FBXL17: variants seen among roughly 807,000 people sequenced by gnomAD.
The protein encoded by FBXL17 is F-box/LRR-repeat protein 17.
A neutral mutation model predicts 66.2 loss-of-function variants in FBXL17; 22 were observed. The observed-to-expected ratio is 0.33, with a 90% CI of 0.24 to 0.47. FBXL17 has a LOEUF of 0.47. FBXL17 is among the 20% of genes least tolerant of loss of function. FBXL17 has a pLI of 1.00. For synonymous variants in FBXL17, 474 were observed against 400.5 expected (o/e 1.18, Z -2.19); for missense variants, 878 against 948.2 (o/e 0.93, Z 0.97).
intron 6 of FBXL17, among the ~76,000 whole-genome samples, chr5:108,149,194 T>C (rs1327954706): frequency 1.3e-5 from 2 of 152,226 alleles, no homozygotes; most frequent in Non-Finnish European, 2.9e-5. Flanking sequence ...ACAATATAAA[T>C]TCCTTGAGGG....
At position 108,009,308 on chromosome 5, in the gene FBXL17, T is replaced by TATAGATAGATAGATATATATACACAC; in HGVS notation, c.1822+11616_1822+11617insGTGTGTATATATATCTATCTATCTAT. On this transcript the variant is annotated intron_variant, in intron 7 of 8. Transcript: ENST00000542267. Reference sequence around the variant, plus strand: ...ATATATATATATATATATACATATATACATACACATATAGTTTTGCTTTTG... The same window carrying TATAGATAGATAGATATATATACACAC: ...ATATATATATATATATATACATATATATAGATAGATAGATATATATACACACACATACACATATAGTTTTGCTTTTG... 7.1e-5 allele frequency among the ~76,000 whole-genome samples: 3 copies of TATAGATAGATAGATATATATACACAC among 42,210 alleles called. 1 individual carries two copies. Among genetic ancestry groups the TATAGATAGATAGATATATATACACAC allele is most frequent in the African/African-American group, 2.6e-4 (3 of 11,328 alleles). 27.7% of individuals were successfully genotyped at this position (42,210 alleles called of 152,430 possible).
At chr5:108,350,855 A>G (rs1214605304) in intron 3 of FBXL17, among the ~76,000 whole-genome samples, 1 of 152,242 alleles carries the variant, frequency 6.6e-6, no homozygotes, top group Non-Finnish European at 1.5e-5. Context: ...ATAAAACACG[A>G]GAATACACCA....
chr5:108,226,273 T>A (rs1163654324), intron 4 of FBXL17, among the ~76,000 whole-genome samples: 1 of 152,200 alleles, frequency 6.6e-6, no homozygotes, highest in Non-Finnish European at 1.5e-5. Context: ...AACCACTTAG[T>A]TCCCCATCGG....
At chr5:107,943,758 CTG>C (rs1452086890) in intron 7 of FBXL17, among the ~76,000 whole-genome samples, 1 of 152,154 alleles carries the variant, frequency 6.6e-6, no homozygotes, top group East Asian at 1.9e-4. Context: ...GTGAAAGAGA[CTG>C]TACAGTCCAT....
intron 7 of FBXL17, among the ~76,000 whole-genome samples, chr5:107,955,924 A>C (rs1322930013): frequency 1.3e-5 from 2 of 152,204 alleles, no homozygotes; most frequent in African/African-American, 2.4e-5. Flanking sequence ...GAAAATAAAA[A>C]CATCTTTAGC....
At chr5:108,026,523 G>A (rs554500042) in intron 6 of FBXL17, among the ~76,000 whole-genome samples, 42 of 152,210 alleles carry the variant, frequency 2.8e-4, no homozygotes, top group Middle Eastern at 3.4e-3. Context: ...GATGTTTACC[G>A]CAAGAAAAAT....
At chr5:108,340,186 T>C (rs1406155339) in intron 4 of FBXL17, among the ~76,000 whole-genome samples, 1 of 150,706 alleles carries the variant, frequency 6.6e-6, no homozygotes, top group East Asian at 1.9e-4. Context: ...AATAAGAGGA[T>C]ACGATCTAGC....
intron 6 of FBXL17, among the ~76,000 whole-genome samples, chr5:108,043,056 C>T (rs566339504): frequency 7.9e-5 from 12 of 152,266 alleles, no homozygotes; most frequent in South Asian, 2.1e-4. Flanking sequence ...ATGTCATTTA[C>T]GCATTTTCTA....
intron 4 of FBXL17, among the ~76,000 whole-genome samples, chr5:108,327,801 T>C (rs773453935): frequency 6.6e-6 from 1 of 152,130 alleles, no homozygotes; most frequent in Non-Finnish European, 1.5e-5. Context: ...AGGTTTCCTT[T>C]GGTCATGAAG....
At chr5:108,022,183 A>T (rs899035543) in intron 6 of FBXL17, among the ~76,000 whole-genome samples, 1 of 151,854 alleles carries the variant, frequency 6.6e-6, no homozygotes, top group Non-Finnish European at 1.5e-5. Context: ...CCGAATAAAC[A>T]TTATTTTTCT....
intron 7 of FBXL17, among the ~76,000 whole-genome samples, chr5:107,896,822 A>G (rs933035527): frequency 6.7e-6 from 1 of 149,510 alleles, no homozygotes; most frequent in Admixed American, 6.8e-5. Flanking sequence ...TGAAGCTGTC[A>G]TTGCAGCTAG....
intron 6 of FBXL17, among the ~76,000 whole-genome samples, chr5:108,144,416 T>C (rs550614494): frequency 2.0e-5 from 3 of 152,192 alleles, no homozygotes; most frequent in Non-Finnish European, 4.4e-5. Context: ...TTTAATCATG[T>C]GTCAACTGGA....
intron 6 of FBXL17, among the ~76,000 whole-genome samples, chr5:108,114,918 A>C (rs550908998): frequency 2.0e-4 from 30 of 152,304 alleles, no homozygotes; most frequent in Middle Eastern, 3.4e-3. Flanking sequence ...CAGATTTCTT[A>C]TCTGGAATAT....
chr5:108,047,292 T>A (rs1424337742), intron 6 of FBXL17, among the ~76,000 whole-genome samples: 3 of 152,234 alleles, frequency 2.0e-5, no homozygotes, highest in Non-Finnish European at 2.9e-5. Context: ...GCTTTCCGCA[T>A]GGAACTGTGC....
At chr5:108,218,902 T>C (rs1754727457) in intron 5 of FBXL17, among the ~76,000 whole-genome samples, 1 of 152,206 alleles carries the variant, frequency 6.6e-6, no homozygotes, top group South Asian at 2.1e-4. Flanking sequence ...TTGTTTCCTC[T>C]GCTATACAGA....
intron 6 of FBXL17, among the ~76,000 whole-genome samples, chr5:108,161,194 A>C (rs1248465420): frequency 7.0e-6 from 1 of 142,348 alleles, no homozygotes; most frequent in East Asian, 2.1e-4. Flanking sequence ...ACATACATAC[A>C]TACCCCAGCC....
At chr5:108,325,857 G>T (rs1270825261) in intron 4 of FBXL17, among the ~76,000 whole-genome samples, 1 of 152,086 alleles carries the variant, frequency 6.6e-6, no homozygotes, top group East Asian at 1.9e-4. Flanking sequence ...AAATACAGGG[G>T]ATAGAAGTGA....
chr5:108,252,451 T>C (rs1481970856), intron 4 of FBXL17, among the ~76,000 whole-genome samples: 2 of 148,832 alleles, frequency 1.3e-5, no homozygotes, highest in Non-Finnish European at 3.0e-5. Context: ...CTATGTTGTT[T>C]AAAAAAAAAA....
chr5:108,353,526 G>A (rs1479313487), intron 3 of FBXL17, among the ~76,000 whole-genome samples: 1 of 152,196 alleles, frequency 6.6e-6, no homozygotes, highest in Non-Finnish European at 1.5e-5. Flanking sequence ...ATACAGCAAT[G>A]AGAGGAGAAA....
Sources: allele counts gnomAD v4.1 joint callset (sites outside exome capture counted in the v4.1 genomes callset), GRCh38; gene constraint gnomAD v4.1.1; transcripts MANE v1.5; gene names NCBI Gene and HGNC (gene_info 2026-07-23, HGNC 2026-07-21).